HTR7: variants seen among roughly 807,000 people sequenced by gnomAD.
HTR7 encodes 5-hydroxytryptamine receptor 7.
Under a neutral mutation model 34.0 loss-of-function variants are expected in HTR7, and 16 were observed. That is an observed-to-expected ratio of 0.47 (90% CI 0.32 to 0.71). The LOEUF is 0.71. HTR7 is among the 30% of genes least tolerant of loss of function. The probability of loss-of-function intolerance (pLI) is 0.04; values close to 1 mark genes in which losing one functional copy is unlikely to be tolerated. For synonymous variants in HTR7, 265 were observed against 260.2 expected, an observed-to-expected ratio of 1.02 and a Z score of -0.18; for missense variants, 504 against 625.5, an observed-to-expected ratio of 0.81 and a Z score of 2.07.
At chr10:90,824,527 A>G (rs1846039568) in intron 1 of HTR7, among the ~76,000 whole-genome samples, 1 of 152,238 alleles carries the variant, frequency 6.6e-6, no homozygotes, top group Admixed American at 6.5e-5. Flanking sequence ...CTTGCAGCTT[A>G]GATACCAGTT....
intron 1 of HTR7, among the ~76,000 whole-genome samples, chr10:90,818,575 T>C (rs921289817): frequency 9.2e-5 from 14 of 152,054 alleles, no homozygotes; most frequent in African/African-American, 3.4e-4. Context: ...GTTTGGCCCC[T>C]GCTTCCTCTC....
chr10:90,807,828 A>T (rs558715980), intron 1 of HTR7, among the ~76,000 whole-genome samples: 1 of 152,284 alleles, frequency 6.6e-6, no homozygotes, highest in East Asian at 1.9e-4. Flanking sequence ...AGATCCACCT[A>T]CGACCTCAGG....
intron 1 of HTR7, among the ~76,000 whole-genome samples, chr10:90,850,932 G>A (rs1308977222): frequency 6.6e-6 from 1 of 152,182 alleles, no homozygotes; most frequent in Non-Finnish European, 1.5e-5. Context: ...TGAAGACATA[G>A]AGAAGTAAAG....
At chr10:90,777,800 T>C (rs1053198475) in intron 1 of HTR7, among the ~76,000 whole-genome samples, 1 of 152,176 alleles carries the variant, frequency 6.6e-6, no homozygotes, top group African/African-American at 2.4e-5. Flanking sequence ...AACAAGGAGT[T>C]GGGTCCTTAA....
chr10:90,845,508 T>G (rs778370245), intron 1 of HTR7, among the ~76,000 whole-genome samples: 1 of 152,220 alleles, frequency 6.6e-6, no homozygotes, highest in African/African-American at 2.4e-5. Context: ...TTGTTCATCT[T>G]TGACCAGCAG....
At chr10:90,807,184 A>C (rs564843230) in intron 1 of HTR7, among the ~76,000 whole-genome samples, 1 of 152,350 alleles carries the variant, frequency 6.6e-6, no homozygotes, top group East Asian at 1.9e-4. Flanking sequence ...GAAAAATCAC[A>C]GATGGGCAAA....
chr10:90,849,831 T>A (rs1173191357), intron 1 of HTR7, among the ~76,000 whole-genome samples: 1 of 152,062 alleles, frequency 6.6e-6, no homozygotes, highest in African/African-American at 2.4e-5. Context: ...ACACACACAC[T>A]CACACACGCA....
At chr10:90,757,812 G>C (rs1181947777) in intron 1 of HTR7, among the ~76,000 whole-genome samples, 4 of 152,172 alleles carry the variant, frequency 2.6e-5, no homozygotes, top group Admixed American at 2.0e-4. Context: ...ACATGGCTAA[G>C]ACTTGAAGAA....
chr10:90,844,869 AAATAAG>A (rs1846390501), intron 1 of HTR7, among the ~76,000 whole-genome samples: 1 of 151,920 alleles, frequency 6.6e-6, no homozygotes, highest in South Asian at 2.1e-4. Context: ...GGCATCAATT[AAATAAG>A]AATCTCTAGG....
intron 1 of HTR7, among the ~76,000 whole-genome samples, chr10:90,768,648 C>T (rs1323279142): frequency 2.6e-5 from 4 of 152,108 alleles, no homozygotes; most frequent in African/African-American, 7.2e-5. Flanking sequence ...TCAAGAGCTC[C>T]CTCATGCTTT....
At chr10:90,788,209 C>T (rs913272599) in intron 1 of HTR7, among the ~76,000 whole-genome samples, 4 of 152,100 alleles carry the variant, frequency 2.6e-5, no homozygotes, top group African/African-American at 9.7e-5. Flanking sequence ...AGGTGCTTTG[C>T]CATCATTCTG....
intron 1 of HTR7, among the ~76,000 whole-genome samples, chr10:90,827,176 A>G (rs1846091495): frequency 6.6e-6 from 1 of 152,184 alleles, no homozygotes; most frequent in African/African-American, 2.4e-5. Flanking sequence ...CAGAAAATAA[A>G]TAAAAAATGG....
At chr10:90,778,549 T>G (rs1845257057) in intron 1 of HTR7, among the ~76,000 whole-genome samples, 1 of 152,142 alleles carries the variant, frequency 6.6e-6, no homozygotes, top group African/African-American at 2.4e-5. Context: ...TCCTCATAAA[T>G]TACCCAGTTT....
At chr10:90,747,544 T>A (rs1005188412) in intron 2 of HTR7, among the ~76,000 whole-genome samples, 5 of 152,224 alleles carry the variant, frequency 3.3e-5, no homozygotes, top group African/African-American at 1.2e-4. Flanking sequence ...CTTTCAGTTG[T>A]AAGATAAAGG....
intron 1 of HTR7, among the ~76,000 whole-genome samples, chr10:90,856,305 T>C (rs894644371): frequency 1.3e-5 from 2 of 152,230 alleles, no homozygotes; most frequent in Non-Finnish European, 2.9e-5. Flanking sequence ...GTCAACTGCA[T>C]AATATTTCAA....
chr10:90,813,304 C>T (rs1845846693), intron 1 of HTR7, among the ~76,000 whole-genome samples: 1 of 152,094 alleles, frequency 6.6e-6, no homozygotes, highest in Non-Finnish European at 1.5e-5. Context: ...GGCCGATCAC[C>T]TGAGGTCAGG....
chr10:90,831,608 TTC>T (rs1846180656), intron 1 of HTR7, among the ~76,000 whole-genome samples: 1 of 152,230 alleles, frequency 6.6e-6, no homozygotes, highest in Non-Finnish European at 1.5e-5. Flanking sequence ...CCTGCTTTTA[TTC>T]TCTTATCTGG....
intron 1 of HTR7, among the ~76,000 whole-genome samples, chr10:90,852,039 G>A (rs570452954): frequency 3.4e-4 from 52 of 152,054 alleles, no homozygotes; most frequent in African/African-American, 1.2e-3. Flanking sequence ...TTAGCAGCAT[G>A]AGAACAGACT....
rs144184038 is a variant in HTR7 at position 90,780,217 on chromosome 10, C to T, written c.540-30623G>A. Among the ~76,000 whole-genome samples, 804 of 152,140 alleles carry T rather than the reference C, an allele frequency of 5.3e-3. 7 individuals carry two copies. The highest frequency in any genetic ancestry group is 8.6e-3 in the Non-Finnish European group (582 of 67,996). On this transcript the variant is annotated intron_variant, in intron 1 of 3. Transcript: ENST00000336152. ...GTGACATAGCAAGACCCTGTCTCTA[C>T]AAAAATACATAAGTAAACAGTAAGA...
Sources: gnomAD v4.1 joint callset for allele counts (sites outside exome capture counted in the v4.1 genomes callset) on GRCh38, gnomAD v4.1.1 for gene constraint, MANE v1.5 for transcripts, NCBI Gene and HGNC (gene_info 2026-07-23, HGNC 2026-07-21) for gene names.